The following EIF4ENIF1 variants were observed in gnomAD, a reference collection of about 807,000 sequenced individuals.
EIF4ENIF1 encodes eukaryotic translation initiation factor 4E nuclear import factor 1, also known as eukaryotic translation initiation factor 4E transporter.
Under a neutral mutation model 110.5 loss-of-function variants are expected in EIF4ENIF1, and 23 were observed. The ratio of observed to expected loss-of-function variants is 0.21; its 90% confidence interval spans 0.15 to 0.29. The LOEUF is 0.29. Ranked by LOEUF, EIF4ENIF1 falls within the 10% of genes least tolerant of loss-of-function variation. The probability of loss-of-function intolerance (pLI) is 1.00; values close to 1 mark genes in which losing one functional copy is unlikely to be tolerated. For missense variants in EIF4ENIF1, 1,031 were observed against 1,221.1 expected (o/e 0.84, Z 2.32); for synonymous variants, 440 against 437.0 (o/e 1.01, Z -0.09).
At chr22:31,456,255 GCT>G (rs2050809001) in intron 7 of EIF4ENIF1, among the ~76,000 whole-genome samples, 2 of 133,228 alleles carry the variant, frequency 1.5e-5, no homozygotes, top group South Asian at 2.3e-4. Flanking sequence ...ACAGAGTCTC[GCT>G]CTGTCACCCA....
intron 7 of EIF4ENIF1, among the ~76,000 whole-genome samples, chr22:31,456,416 G>A (rs1359153204): frequency 6.6e-6 from 1 of 151,452 alleles, no homozygotes; most frequent in African/African-American, 2.4e-5. Flanking sequence ...GTAGAGACGG[G>A]GTTTTACCGT....
intron 2 of EIF4ENIF1, among the ~76,000 whole-genome samples, chr22:31,476,803 TC>T (rs1307832653): frequency 6.6e-6 from 1 of 151,084 alleles, no homozygotes; most frequent in Non-Finnish European, 1.5e-5. Context: ...ACCACTGCAC[TC>T]CAGCCTGGAC....
At chr22:31,456,248 G>C (rs1321389211) in intron 7 of EIF4ENIF1, among the ~76,000 whole-genome samples, 1 of 137,484 alleles carries the variant, frequency 7.3e-6, no homozygotes, top group Non-Finnish European at 1.5e-5. Context: ...TTTTGAGACA[G>C]AGTCTCGCTC....
chr22:31,465,486 G>A (rs763639363), intron 4 of EIF4ENIF1, among the ~76,000 whole-genome samples: 1 of 152,116 alleles, frequency 6.6e-6, no homozygotes, highest in Non-Finnish European at 1.5e-5. Context: ...ACTACTACAC[G>A]CCTATTACAA....
chr22:31,469,567 A>G (rs1287342001), intron 3 of EIF4ENIF1, among the ~76,000 whole-genome samples: 11 of 152,216 alleles, frequency 7.2e-5, no homozygotes, highest in Non-Finnish European at 1.6e-4. Flanking sequence ...AGCATTTAAG[A>G]GCCCAACAAA....
chr22:31,438,464 A>G (rs1005174052), downstream of EIF4ENIF1, among the ~76,000 whole-genome samples: 6 of 152,124 alleles, frequency 3.9e-5, no homozygotes, highest in African/African-American at 1.4e-4. Context: ...TAAGCTCAGA[A>G]CTCTGAGCTT....
intron 3 of EIF4ENIF1, among the ~76,000 whole-genome samples, chr22:31,471,435 C>T (rs545111460): frequency 6.6e-6 from 1 of 152,278 alleles, no homozygotes; most frequent in African/African-American, 2.4e-5. Flanking sequence ...CTGCCTCAGC[C>T]TCCCGAGTAG....
chr22:31,444,215 G>C (rs936682385), intron 15 of EIF4ENIF1, among the ~76,000 whole-genome samples: 1 of 152,058 alleles, frequency 6.6e-6, no homozygotes, highest in Non-Finnish European at 1.5e-5. Context: ...TGGTGAATCC[G>C]AATTTGTGAA....
intron 17 of EIF4ENIF1, among the ~76,000 whole-genome samples, chr22:31,441,550 G>GAAAAAAAAAAAAAAA (rs771597260): frequency 2.3e-4 from 15 of 65,244 alleles, no homozygotes; most frequent in African/African-American, 8.2e-4. Context: ...CTACAAAAAG[G>GAAAAAAAAAAAAAAA]AAAAAAAAAA....
chr22:31,465,323 CAA>C (rs544872114), intron 4 of EIF4ENIF1, among the ~76,000 whole-genome samples: 6 of 60,846 alleles, frequency 9.9e-5, no homozygotes, highest in Non-Finnish European at 1.5e-4. Flanking sequence ...GACTCTGTCT[CAA>C]AAAAAAAAAA....
At chr22:31,462,838 C>T in intron 6 of EIF4ENIF1, 94 bp downstream of exon 6, 1 of 1,328,424 alleles carries the variant, frequency 7.5e-7, no homozygotes, top group Non-Finnish European at 1.0e-6. Flanking sequence ...CCACCTCGGC[C>T]TCCCAAAGTG....
chr22:31,454,763 A>G (rs2145947808), intron 9 of EIF4ENIF1, among the ~76,000 whole-genome samples: 1 of 152,316 alleles, frequency 6.6e-6, no homozygotes, highest in East Asian at 1.9e-4. Flanking sequence ...TATATCACTA[A>G]GTTTTTATGT....
chr22:31,464,636 G>T (rs868541256), intron 4 of EIF4ENIF1, among the ~76,000 whole-genome samples: 2 of 122,542 alleles, frequency 1.6e-5, no homozygotes, highest in African/African-American at 3.3e-5. Flanking sequence ...AAGTCACCCC[G>T]CTACACTGTA....
chr22:31,484,751 T>A (rs544649471), intron 2 of EIF4ENIF1, among the ~76,000 whole-genome samples: 3 of 152,108 alleles, frequency 2.0e-5, no homozygotes, highest in Admixed American at 1.3e-4. Flanking sequence ...GGAGAATAGG[T>A]TGAACCTGGG....
chr22:31,470,685 C>CTT (rs1174357066), intron 3 of EIF4ENIF1, among the ~76,000 whole-genome samples: 1,721 of 122,018 alleles, frequency 0.014, 53 homozygotes, highest in African/African-American at 0.043. Context: ...TTAAATAGGA[C>CTT]TTTTTTTTTT....
chr22:31,454,220 C>T lies in EIF4ENIF1; in HGVS notation c.1436G>A (p.Gly479Glu). The T allele has an allele frequency of 6.2e-7, 1 of 1,614,146 alleles. No homozygotes were observed. The highest frequency in any genetic ancestry group is 8.5e-7 in the Non-Finnish European group (1 of 1,180,026). Residue 479 changes from glycine (G) to glutamate (E), a missense_variant, in exon 10 of 19, where the codon GGA (glycine) becomes GAA (glutamate). Gly to Glu is a moderately conservative substitution (Grantham distance 98). Coordinates refer to ENST00000330125, the MANE Select transcript of EIF4ENIF1 (RefSeq NM_019843.4). ...VTNNRQLKKD[G>E]DMTAFNKLVS... Reference sequence around the variant, plus strand: ...TAGCTTGTTGAACGCAGTCATGTCTCCGTCTTTCTTCAGTTGTCGATTGTT... The same window carrying T: ...TAGCTTGTTGAACGCAGTCATGTCTTCGTCTTTCTTCAGTTGTCGATTGTT...
intron 18 of EIF4ENIF1, 141 bp from the exon 19 acceptor site, chr22:31,440,262 C>A (rs951906543): frequency 1.6e-6 from 2 of 1,234,064 alleles, no homozygotes; most frequent in Non-Finnish European, 2.2e-6. Flanking sequence ...TTGCAAAATA[C>A]CAACAATGCC....
At chr22:31,468,493 C>T (rs1006911736) in intron 3 of EIF4ENIF1, among the ~76,000 whole-genome samples, 191 bp from the exon 4 acceptor site, 1 of 152,168 alleles carries the variant, frequency 6.6e-6, no homozygotes, top group African/African-American at 2.4e-5. Context: ...CTCCCAGGTT[C>T]AAGTGATTCT....
chr22:31,456,503 A>T (rs11089506), intron 7 of EIF4ENIF1, among the ~76,000 whole-genome samples: 1 of 151,326 alleles, frequency 6.6e-6, no homozygotes. Flanking sequence ...GATTACAAGC[A>T]TGAGCCACCA....
Sources: gnomAD v4.1 joint callset for allele counts (sites outside exome capture counted in the v4.1 genomes callset) on GRCh38, gnomAD v4.1.1 for gene constraint, MANE v1.5 for transcripts, NCBI Gene and HGNC (gene_info 2026-07-23, HGNC 2026-07-21) for gene names.